TENM1: variants seen among roughly 807,000 people sequenced by gnomAD.
TENM1 encodes teneurin transmembrane protein 1.
In TENM1, 35 loss-of-function variants were observed where a neutral mutation model predicts 174.8. The observed-to-expected ratio is 0.20, with a 90% CI of 0.15 to 0.27. The LOEUF (loss-of-function observed/expected upper bound fraction) is 0.27. TENM1 is among the 10% of genes least tolerant of loss of function. The pLI is 1.00. For synonymous variants in TENM1, 781 were observed against 798.7 expected (o/e 0.98, Z 0.37); for missense variants, 1,633 against 2,130.1 (o/e 0.77, Z 4.59).
intron 1 of TENM1, among the ~76,000 whole-genome samples, chrX:124,921,168 T>C (rs1447437335): frequency 9.1e-6 from 1 of 109,874 alleles, no homozygotes; most frequent in African/African-American, 3.3e-5. Flanking sequence ...CATTCTTATT[T>C]ATACTGTATA....
the TENM1 span, among the ~76,000 whole-genome samples, chrX:125,137,453 T>C: frequency 1.8e-5 from 2 of 109,801 alleles, no homozygotes; most frequent in Admixed American, 2.0e-4. Context: ...GGTACTAGTA[T>C]TGGAAGGAAT....
the TENM1 span, among the ~76,000 whole-genome samples, chrX:125,081,026 T>C: frequency 1.8e-5 from 2 of 111,519 alleles, no homozygotes; most frequent in Admixed American, 1.9e-4. Flanking sequence ...TATTTTTCTC[T>C]GCTACCCTTT....
intron 5 of TENM1, among the ~76,000 whole-genome samples, chrX:124,696,820 T>C (rs756739713): frequency 9.0e-6 from 1 of 111,257 alleles, no homozygotes; most frequent in Non-Finnish European, 1.9e-5. Context: ...ATTAAGAACG[T>C]TGAATAATGG....
intron 13 of TENM1, among the ~76,000 whole-genome samples, chrX:124,562,153 G>A (rs1368541457): frequency 9.0e-6 from 1 of 111,353 alleles, no homozygotes; most frequent in Non-Finnish European, 1.9e-5. Context: ...AAAACTATAC[G>A]GATGACACTG....
At chrX:124,923,879 A>G (rs1027702738) in intron 1 of TENM1, among the ~76,000 whole-genome samples, 2 of 112,101 alleles carry the variant, frequency 1.8e-5, no homozygotes, top group African/African-American at 6.5e-5. Flanking sequence ...AAAGGAATAG[A>G]GCCTTGCTGA....
chrX:125,119,238 A>G, the TENM1 span, among the ~76,000 whole-genome samples: 1 of 111,833 alleles, frequency 8.9e-6, no homozygotes, highest in Non-Finnish European at 1.9e-5. Context: ...CAACACTTGC[A>G]CATATTTATG....
intron 4 of TENM1, among the ~76,000 whole-genome samples, chrX:124,706,734 T>A (rs912107807): frequency 1.8e-5 from 2 of 111,866 alleles, no homozygotes; most frequent in Admixed American, 1.9e-4. Context: ...ATAAAAGTAC[T>A]TTTATACTTG....
chrX:124,795,627 T>C (rs2055287199), intron 3 of TENM1, among the ~76,000 whole-genome samples: 1 of 111,466 alleles, frequency 9.0e-6, no homozygotes. Context: ...TCTATTGAAG[T>C]AGTAAGTTCA....
intron 4 of TENM1, among the ~76,000 whole-genome samples, chrX:124,706,946 CTTTTTT>C (rs1190388752): frequency 2.3e-5 from 2 of 88,022 alleles, no homozygotes; most frequent in Admixed American, 2.5e-4. Context: ...AGTCCTTAAT[CTTTTTT>C]TTTTTTTTTT....
At chrX:124,730,215 T>C (rs763061493) in intron 4 of TENM1, among the ~76,000 whole-genome samples, 1 of 111,518 alleles carries the variant, frequency 9.0e-6, no homozygotes, top group East Asian at 2.8e-4. Flanking sequence ...AGTGGAATGA[T>C]GTTGTATATG....
intron 3 of TENM1, among the ~76,000 whole-genome samples, chrX:124,739,571 T>C (rs1826795051): frequency 8.9e-6 from 1 of 112,028 alleles, no homozygotes. Flanking sequence ...ATGGGTTATG[T>C]TATCTGAAAT....
At chrX:124,390,561 C>T (rs922921863) in intron 28 of TENM1, among the ~76,000 whole-genome samples, 3 of 111,906 alleles carry the variant, frequency 2.7e-5, no homozygotes, top group South Asian at 3.7e-4. Flanking sequence ...TGCAATCCTA[C>T]GTATGCTTCT....
At chrX:125,038,464 C>CTA in the TENM1 span, among the ~76,000 whole-genome samples, 1 of 110,957 alleles carries the variant, frequency 9.0e-6, no homozygotes, top group African/African-American at 3.3e-5. Context: ...CGAAACAGTG[C>CTA]TATATATATT....
At chrX:124,576,659 T>C (rs1318086319) in intron 11 of TENM1, among the ~76,000 whole-genome samples, 1 of 112,308 alleles carries the variant, frequency 8.9e-6, no homozygotes, top group Non-Finnish European at 1.9e-5. Context: ...CTGCATCTTG[T>C]CTAAGAGTGG....
At chrX:125,016,451 CTCCCATTTGCAATTGCTACAAAGAGAA>C in the TENM1 span, among the ~76,000 whole-genome samples, 1 of 111,266 alleles carries the variant, frequency 9.0e-6, no homozygotes, top group East Asian at 2.8e-4. Context: ...CATGAGTGAA[CTCCCATTTGCAATTGCTACAAAGAGAA>C]TAAAATACCT....
At chrX:124,589,096 T>C (rs1292244815) in intron 11 of TENM1, among the ~76,000 whole-genome samples, 1 of 4,033 alleles carries the variant, frequency 2.5e-4, no homozygotes, top group African/African-American at 1.1e-3. Flanking sequence ...TTCTTGAGGG[T>C]TTTTTTTTTT....
At chrX:124,550,743 A>G (rs1381088807) in intron 14 of TENM1, among the ~76,000 whole-genome samples, 1 of 110,538 alleles carries the variant, frequency 9.0e-6, no homozygotes, top group Non-Finnish European at 1.9e-5. Flanking sequence ...GAAAACAAAA[A>G]CAGACTACTT....
the TENM1 span, among the ~76,000 whole-genome samples, chrX:125,064,956 C>A: frequency 8.9e-6 from 1 of 111,851 alleles, no homozygotes; most frequent in African/African-American, 3.3e-5. Flanking sequence ...GCAAATTTTC[C>A]ACTCGATGGG....
chrX:125,054,200 A>G, the TENM1 span, among the ~76,000 whole-genome samples: 1 of 110,146 alleles, frequency 9.1e-6, no homozygotes, highest in African/African-American at 3.3e-5. Flanking sequence ...TATTCCCACA[A>G]GATCTTGTTT....
Sources: allele counts gnomAD v4.1 joint callset (sites outside exome capture counted in the v4.1 genomes callset), GRCh38; gene constraint gnomAD v4.1.1; transcripts MANE v1.5; gene names NCBI Gene and HGNC (gene_info 2026-07-23, HGNC 2026-07-21).